The following SLC2A5 variants were observed in gnomAD, a reference collection of about 807,000 sequenced individuals.
SLC2A5 encodes the protein solute carrier family 2, facilitated glucose transporter member 5.
Under a neutral mutation model 50.3 loss-of-function variants are expected in SLC2A5, and 56 were observed. The observed-to-expected ratio is 1.11, with a 90% confidence interval of 0.90 to 1.39. The LOEUF (loss-of-function observed/expected upper bound fraction) is 1.39. Among genes scored for constraint, SLC2A5 ranks in the 40% most tolerant of loss-of-function variants. The pLI is 0.00. For synonymous variants in SLC2A5, 269 were observed against 281.9 expected (o/e 0.95, Z 0.46); for missense variants, 566 against 650.1 (o/e 0.87, Z 1.41).
intron 2 of SLC2A5, among the ~76,000 whole-genome samples, chr1:9,083,842 C>G (rs1425244284): frequency 6.7e-6 from 1 of 149,900 alleles, no homozygotes; most frequent in Non-Finnish European, 1.5e-5. Flanking sequence ...AAGAAACAAA[C>G]AAACAACACA....
chr1:9,060,097 C>A (rs1641879624), intron 1 of SLC2A5, among the ~76,000 whole-genome samples: 1 of 140,664 alleles, frequency 7.1e-6, no homozygotes, highest in African/African-American at 2.6e-5. Context: ...ACACACACAA[C>A]ACACACAATA....
At chr1:9,060,050 C>CCA (rs1192653832) in intron 1 of SLC2A5, among the ~76,000 whole-genome samples, 3 of 143,048 alleles carry the variant, frequency 2.1e-5, no homozygotes, top group Non-Finnish European at 4.6e-5. Flanking sequence ...TACACACACA[C>CCA]CACACACACA....
intron 3 of SLC2A5, among the ~76,000 whole-genome samples, chr1:9,053,106 A>AATATATATTATATATTTATATATT (rs1557669879): frequency 9.3e-6 from 1 of 107,386 alleles, no homozygotes; most frequent in Non-Finnish European, 1.7e-5. Flanking sequence ...ATTTATATAT[A>AATATATATTATATATTTATATATT]ATATATATTA....
upstream of SLC2A5, among the ~76,000 whole-genome samples, chr1:9,091,330 C>T (rs915624693): frequency 1.3e-5 from 2 of 152,148 alleles, no homozygotes; most frequent in Admixed American, 1.3e-4. Context: ...GGCCCTTAGA[C>T]TTCTAGCCCA....
Position 9,039,628 on chromosome 1 carries a change from G to A in SLC2A5, c.920C>T (p.Ala307Val), listed in dbSNP as rs1641239698. The A allele has an allele frequency of 1.3e-6, 2 of 1,563,664 alleles. No individual in the cohort carries two copies. The highest frequency in any genetic ancestry group is 1.7e-6 in the Non-Finnish European group (2 of 1,155,018). Reference protein sequence around the residue: ...YYYADQIYLSAGVPEEHVQYV... With the variant: ...YYYADQIYLSVGVPEEHVQYV... ...CTGCACGTGCTCCTCCGGCACGCCG[G>A]CGCTCAGGTAGATCTGGTCCGCGTA... The change falls in exon 8 of 12, where the codon GCC (alanine) becomes GTC (valine). Residue 307 changes from alanine to valine, a missense_variant. By Grantham distance (64) the Ala-to-Val change is moderately conservative (BLOSUM62 0). Transcript: ENST00000377424.
intron 2 of SLC2A5, among the ~76,000 whole-genome samples, chr1:9,082,486 G>A (rs555816269): frequency 3.2e-4 from 48 of 152,240 alleles, no homozygotes; most frequent in African/African-American, 9.6e-4. Context: ...GGCTGAGGTC[G>A]GAGGATTGCT....
chr1:9,076,681 C>T (rs957867956), intron 2 of SLC2A5, among the ~76,000 whole-genome samples: 4 of 152,084 alleles, frequency 2.6e-5, no homozygotes, highest in South Asian at 2.1e-4. Context: ...GAAATCCATA[C>T]AAGTAGAGAG....
In SLC2A5 at chr1:9,060,115, ACTAT is replaced by A. The variant is rs1357966560; in HGVS notation, c.34-1869_34-1866del. Among the ~76,000 whole-genome samples the A allele has an allele frequency of 4.9e-4, 57 of 116,178 alleles. No homozygotes were observed. In the East Asian group the frequency reaches 0.012, roughly 24 times the overall value. 76.2% of individuals were successfully genotyped at this position (116,178 alleles called of 152,430 possible). ...CACACAACACACACAATACACACACACTATACACACACACAACACACACACTACA... is the reference window on the plus strand; with the variant it reads ...CACACAACACACACAATACACACACAACACACACACAACACACACACTACA... On this transcript the variant is annotated intron_variant, in intron 1 of 11. Transcript: ENST00000377424.
At chr1:9,068,189 CAAAAAAAAA>C (rs755203801) in intron 1 of SLC2A5, among the ~76,000 whole-genome samples, 1 of 77,092 alleles carries the variant, frequency 1.3e-5, no homozygotes, top group African/African-American at 4.9e-5. Flanking sequence ...GACTCTGTGT[CAAAAAAAAA>C]AAAAAAAAAA....
At position 9,081,277 on chromosome 1, in the gene SLC2A5, A is replaced by AC. The variant is rs1557685760; in HGVS notation, c.-59+3736_-59+3737insG. On this transcript the variant is annotated intron_variant, in intron 2 of 5. Coordinates refer to the SLC2A5 transcript ENST00000464985. Reference sequence around the variant, plus strand: ...CTTGTTTCAGAAAAAAAAAAAAAAAAAACCCCAAAAAAAAAAAACACGACC... The same window carrying AC: ...CTTGTTTCAGAAAAAAAAAAAAAAAACAACCCCAAAAAAAAAAAACACGACC... 2.9e-3 allele frequency among the ~76,000 whole-genome samples: 395 copies of AC among 136,924 alleles called. 2 individuals carry two copies. Among genetic ancestry groups the AC allele is most frequent in the African/African-American group, 0.011 (378 of 35,212 alleles). The allele number at this position is 136,924 out of a possible 152,430, so 89.8% of individuals were successfully genotyped here. A position where few individuals can be genotyped will look rare whatever the true frequency, so the allele number is the denominator to read the frequency against.
intron 3 of SLC2A5, among the ~76,000 whole-genome samples, chr1:9,052,291 A>C (rs1054398979): frequency 2.6e-5 from 4 of 152,204 alleles, no homozygotes; most frequent in Non-Finnish European, 4.4e-5. Context: ...CTCAAAAAAA[A>C]AGAAAGAAAG....
At position 9,039,017 on chromosome 1, in the gene SLC2A5, G is replaced by A. The variant is rs555203628; in HGVS notation, c.997-88C>T. ...CAATGGGGCAGCTGTGAGGAGAGCT[G>A]GGCGGACCGGGTGCCCACCCATGTG... is the stretch of plus-strand genomic sequence containing the variant. On this transcript the variant is annotated intron_variant, in intron 8 of 11. Transcript: ENST00000377424. 69 of 1,470,292 alleles carry A rather than the reference G, an allele frequency of 4.7e-5. No homozygotes were observed. The Middle Eastern group carries it at 9.0e-4, about 19-fold the overall frequency. 91.1% of individuals were successfully genotyped at this position (1,470,292 alleles called of 1,614,324 possible).
At chr1:9,078,776 A>G (rs565866898) in intron 2 of SLC2A5, among the ~76,000 whole-genome samples, 2 of 152,294 alleles carry the variant, frequency 1.3e-5, no homozygotes, top group East Asian at 1.9e-4. Flanking sequence ...TGGGTGGGGA[A>G]GTGACTCAAG....
At position 9,040,288 on chromosome 1, in the gene SLC2A5, C is replaced by T; in HGVS notation, c.572-99G>A. ...CAGCCCCGTCATCCTGAGTGGGGTG[C>T]AGGCTCCAGGAGGGCACAGCTTTCC... is the stretch of plus-strand genomic sequence containing the variant. On this transcript the variant is annotated intron_variant, in intron 5 of 11. Coordinates refer to ENST00000377424, the MANE Select transcript of SLC2A5 (RefSeq NM_003039.3). The surrounding 1 kb of genome is among the most constrained non-coding windows in gnomAD (Gnocchi z 4.3). 3 of 1,408,730 alleles carry T rather than the reference C, an allele frequency of 2.1e-6. No individual in the cohort carries two copies. Among genetic ancestry groups the T allele is most frequent in the Non-Finnish European group, 2.8e-6 (3 of 1,057,298 alleles). The allele number at this position is 1,408,730 out of a possible 1,614,324, so 87.3% of individuals were successfully genotyped here.
chr1:9,067,121 C>G (rs1015558131), intron 1 of SLC2A5, among the ~76,000 whole-genome samples: 4 of 152,164 alleles, frequency 2.6e-5, no homozygotes, highest in East Asian at 3.9e-4. Flanking sequence ...GCCTCTGTAG[C>G]CTTCGCCTGC....
At chr1:9,087,700 G>A (rs1027806094) in intron 1 of SLC2A5, among the ~76,000 whole-genome samples, 3 of 152,012 alleles carry the variant, frequency 2.0e-5, no homozygotes, top group African/African-American at 7.2e-5. Flanking sequence ...ATGTGAGGAG[G>A]ACAATTAATC....
chr1:9,082,948 C>T (rs1642369878), intron 2 of SLC2A5: 1 of 183,204 alleles, frequency 5.5e-6, no homozygotes, highest in Non-Finnish European at 1.2e-5. Context: ...GCAGTGACAG[C>T]TAATAGGCAC....
intron 1 of SLC2A5, among the ~76,000 whole-genome samples, chr1:9,086,041 G>T (rs1190869681): frequency 6.6e-6 from 1 of 152,188 alleles, no homozygotes; most frequent in Non-Finnish European, 1.5e-5. Context: ...CTGAGGATGG[G>T]CCTGGGGCCC....
chr1:9,086,586 T>C (rs1336276062), intron 1 of SLC2A5, among the ~76,000 whole-genome samples: 1 of 152,082 alleles, frequency 6.6e-6, no homozygotes, highest in African/African-American at 2.4e-5. Context: ...AGATAGTGTT[T>C]CACCAAGTTG....
Sources: gnomAD v4.1 joint callset for allele counts (sites outside exome capture counted in the v4.1 genomes callset) on GRCh38, gnomAD v4.1.1 for gene constraint, Gnocchi (gnomAD v3.1) non-coding constraint, MANE v1.5 for transcripts, NCBI Gene and HGNC (gene_info 2026-07-23, HGNC 2026-07-21) for gene names.